GINS1: variants seen among roughly 807,000 people sequenced by gnomAD.
GINS1 encodes GINS complex subunit 1, also known as DNA replication complex GINS protein PSF1.
A neutral mutation model predicts 34.9 loss-of-function variants in GINS1; 26 were observed. The ratio of observed to expected loss-of-function variants is 0.74; its 90% CI spans 0.55 to 1.03. The LOEUF (loss-of-function observed/expected upper bound fraction) is 1.03, where lower values mean the gene tolerates loss of function less well. Among genes scored for constraint, GINS1 ranks in the 50% least tolerant of loss-of-function variants. The pLI is 0.00. For missense variants in GINS1, 235 were observed against 237.9 expected, an observed-to-expected ratio of 0.99 and a Z score of 0.08; for synonymous variants, 97 against 84.4, an observed-to-expected ratio of 1.15 and a Z score of -0.82.
rs568510680 is a variant in GINS1 at position 25,429,172 on chromosome 20, T to G, written c.447+3845T>G. Among the ~76,000 whole-genome samples the G allele has an allele frequency of 1.1e-4, 16 of 151,924 alleles. No homozygotes were observed. The South Asian group carries it at 1.9e-3, about 18-fold the overall frequency. On this transcript the variant is annotated intron_variant, in intron 5 of 6. Coordinates refer to ENST00000262460, the MANE Select transcript of GINS1 (RefSeq NM_021067.5). The stretch of plus-strand genomic sequence containing the variant: ...CCCGGCTAATTTTTTATAGTTTTAG[T>G]AGAGATGGGGTTTCACCATGTTGGC...
At position 25,447,686 on chromosome 20, in the gene GINS1, G is replaced by C. The variant is rs1001784883; in HGVS notation, c.*1695G>C. On this transcript the variant is annotated 3_prime_UTR_variant, in exon 7 of 7. Transcript: ENST00000262460. ...GATGGGGTTTCACCGTGTTGGCCAG[G>C]CTGTGTTGAACTCCTGAGCTAAAGC... 3 of 152,222 alleles carry C rather than the reference G, an allele frequency of 2.0e-5. No homozygotes were observed. The highest frequency in any genetic ancestry group is 2.0e-4 in the Admixed American group (3 of 15,280). The allele number at this position is 152,222 out of a possible 1,614,324, so 9.4% of individuals were successfully genotyped here.
chr20:25,422,403 A>C (rs2090360825), intron 4 of GINS1, among the ~76,000 whole-genome samples: 1 of 151,804 alleles, frequency 6.6e-6, no homozygotes, highest in South Asian at 2.1e-4. Flanking sequence ...GTGAAACCCT[A>C]TCTCTACCAA....
At chr20:25,413,057 T>A (rs2090296271) in intron 1 of GINS1, among the ~76,000 whole-genome samples, 1 of 130,412 alleles carries the variant, frequency 7.7e-6, no homozygotes, top group Non-Finnish European at 1.5e-5. Flanking sequence ...CAGTAGTTCA[T>A]TTTTTTTTTT....
chr20:25,434,681 A>C (rs938104534), intron 5 of GINS1, among the ~76,000 whole-genome samples: 5 of 152,110 alleles, frequency 3.3e-5, no homozygotes, highest in Non-Finnish European at 7.4e-5. Context: ...TCCTAGCCTC[A>C]AGCAGTGCTC....
intron 6 of GINS1, among the ~76,000 whole-genome samples, chr20:25,444,440 T>G (rs968378047): frequency 1.3e-5 from 2 of 152,216 alleles, no homozygotes; most frequent in African/African-American, 4.8e-5. Context: ...AATGAACAAC[T>G]CAGTTATTTT....
At chr20:25,416,056 A>G (rs2090318649) in intron 2 of GINS1, among the ~76,000 whole-genome samples, 1 of 152,180 alleles carries the variant, frequency 6.6e-6, no homozygotes, top group African/African-American at 2.4e-5. Context: ...GCAAGTGGCA[A>G]AGGATGACAC....
chr20:25,441,332 A>G (rs778064463), intron 5 of GINS1, among the ~76,000 whole-genome samples: 1 of 152,162 alleles, frequency 6.6e-6, no homozygotes, highest in Non-Finnish European at 1.5e-5. Flanking sequence ...TCAGATACTG[A>G]TATTTTATGG....
chr20:25,418,643 T>G (rs896945675), intron 4 of GINS1, among the ~76,000 whole-genome samples: 1 of 152,222 alleles, frequency 6.6e-6, no homozygotes, highest in Non-Finnish European at 1.5e-5. Context: ...TCACTTGACC[T>G]GTTGCTGTGC....
intron 6 of GINS1, among the ~76,000 whole-genome samples, chr20:25,445,559 G>A (rs1473566325): frequency 6.6e-6 from 1 of 152,162 alleles, no homozygotes; most frequent in Non-Finnish European, 1.5e-5. Context: ...GTGTTAGCCA[G>A]GATGGTCTTG....
chr20:25,445,608 A>C (rs1406775655), intron 6 of GINS1, among the ~76,000 whole-genome samples: 2 of 152,008 alleles, frequency 1.3e-5, no homozygotes, highest in African/African-American at 2.4e-5. Flanking sequence ...CGGCCTCCCA[A>C]AGTGCTGGGA....
At chr20:25,409,472 G>A (rs140028555) in intron 1 of GINS1, among the ~76,000 whole-genome samples, 35 of 152,230 alleles carry the variant, frequency 2.3e-4, no homozygotes, top group African/African-American at 8.2e-4. Flanking sequence ...GCAGAGATGG[G>A]GTCCATAATG....
rs142669872 is a variant in GINS1, at chr20:25,410,852, C to T, written c.76-2938C>T. On this transcript the variant is annotated intron_variant, in intron 1 of 6. Transcript: ENST00000262460. ...TGCTGGGATTATAGGCGTGAGCCACCGTGCCCGGCCCAACACACAGGCTTT... is the reference window on the plus strand; with the variant it reads ...TGCTGGGATTATAGGCGTGAGCCACTGTGCCCGGCCCAACACACAGGCTTT... Among the ~76,000 whole-genome samples the T allele has an allele frequency of 1.1e-3, 164 of 152,188 alleles. 4 individuals carry two copies. The East Asian group carries it at 0.023, about 22-fold the overall frequency.
chr20:25,416,909 G>C (rs1210238620), intron 2 of GINS1, among the ~76,000 whole-genome samples, 195 bp from the exon 3 acceptor site: 2 of 152,146 alleles, frequency 1.3e-5, no homozygotes, highest in Non-Finnish European at 2.9e-5. Flanking sequence ...CATGATCTTA[G>C]GCAAGTTGTT....
intron 5 of GINS1, among the ~76,000 whole-genome samples, chr20:25,432,872 A>T (rs1365234927): frequency 1.3e-5 from 2 of 148,454 alleles, no homozygotes; most frequent in East Asian, 3.9e-4. Context: ...ATATTAACTT[A>T]TATAATAACA....
At chr20:25,431,575 CTTT>C (rs77211490) in intron 5 of GINS1, among the ~76,000 whole-genome samples, 2 of 132,174 alleles carry the variant, frequency 1.5e-5, no homozygotes, top group Non-Finnish European at 1.6e-5. Flanking sequence ...TTTCTTTTTT[CTTT>C]TTTTTTTTTT....
intron 4 of GINS1, among the ~76,000 whole-genome samples, chr20:25,419,310 T>C (rs2090339984): frequency 6.6e-6 from 1 of 151,296 alleles, no homozygotes. Context: ...GTAACAAACC[T>C]GCACGTTCAG....
intron 5 of GINS1, among the ~76,000 whole-genome samples, chr20:25,427,601 G>A (rs1337636359): frequency 2.0e-5 from 3 of 152,162 alleles, no homozygotes; most frequent in Admixed American, 6.5e-5. Flanking sequence ...CTATTCCTGT[G>A]TCTTCTTTGG....
chr20:25,443,716 AGGTAATCC>A (rs1435999947), intron 6 of GINS1, among the ~76,000 whole-genome samples: 1 of 151,684 alleles, frequency 6.6e-6, no homozygotes, highest in African/African-American at 2.4e-5. Flanking sequence ...TCCTGACCTT[AGGTAATCC>A]GCCCACCTCA....
chr20:25,420,792 A>G (rs2090350519), intron 4 of GINS1: 3 of 880,832 alleles, frequency 3.4e-6, no homozygotes, highest in South Asian at 1.0e-4. Flanking sequence ...AAAAAAAAAA[A>G]AAAAGAAAAA....
Sources: gnomAD v4.1 joint callset for allele counts (sites outside exome capture counted in the v4.1 genomes callset) on GRCh38, gnomAD v4.1.1 for gene constraint, MANE v1.5 for transcripts, NCBI Gene and HGNC (gene_info 2026-07-23, HGNC 2026-07-21) for gene names.